The following ABCB10 variants were observed in gnomAD, a reference collection of about 807,000 sequenced individuals.
ABCB10 encodes ATP binding cassette subfamily B member 10.
Under a neutral mutation model 65.4 loss-of-function variants are expected in ABCB10, and 54 were observed. The ratio of observed to expected loss-of-function variants is 0.83; its 90% CI spans 0.66 to 1.04. The LOEUF (loss-of-function observed/expected upper bound fraction) is 1.04, where lower values mean the gene tolerates loss of function less well. Among genes scored for constraint, ABCB10 ranks in the 50% least tolerant of loss-of-function variants. The pLI is 0.00. For missense variants in ABCB10, 846 were observed against 976.6 expected, an observed-to-expected ratio of 0.87 and a Z score of 1.78; for synonymous variants, 418 against 406.5, an observed-to-expected ratio of 1.03 and a Z score of -0.34.
At chr1:229,558,062 C>G in intron 1 of ABCB10, 74 bp downstream of exon 1, 1 of 1,258,674 alleles carries the variant, frequency 7.9e-7, no homozygotes, top group African/African-American at 1.6e-5. Context: ...GGCCGTGTCC[C>G]TCTCGGCGCC....
At chr1:229,553,469 C>T (rs1405300143) in intron 1 of ABCB10, among the ~76,000 whole-genome samples, 1 of 152,108 alleles carries the variant, frequency 6.6e-6, no homozygotes, top group Non-Finnish European at 1.5e-5. Context: ...GCGGACAGAG[C>T]ACTGTTCTAG....
At position 229,539,468 on chromosome 1, in the gene ABCB10, T is replaced by C; in HGVS notation, c.1327A>G (p.Ile443Val). 3 of 1,614,008 alleles carry C rather than the reference T, an allele frequency of 1.9e-6. No individual in the cohort carries two copies. Among genetic ancestry groups the C allele is most frequent in the Non-Finnish European group, 2.5e-6 (3 of 1,179,870 alleles). Residue 443 changes from isoleucine to valine, a missense_variant, in exon 6 of 13, where the codon ATA becomes GTA. By Grantham distance (29) the Ile-to-Val change is conservative. Transcript: ENST00000344517. ...TTAAATTATTTACCTCCAATGCTTA[T>C]TCCAACCCAGAAAGCATACATTAGG... Reference protein sequence around the residue: ...SFLMYAFWVGISIGGLSSFYS... With the variant: ...SFLMYAFWVGVSIGGLSSFYS...
At chr1:229,531,402 C>CT (rs1307075869) in intron 7 of ABCB10, among the ~76,000 whole-genome samples, 18 of 152,146 alleles carry the variant, frequency 1.2e-4, no homozygotes, top group Non-Finnish European at 4.4e-5. Flanking sequence ...GGGCAGCACA[C>CT]TATGTGGCCA....
In ABCB10 at chr1:229,542,252, CA is replaced by C; in HGVS notation, c.1040del (p.Leu347ArgfsTer7). ...RKLTKVTQDS[L>X]AQATQLAEER... ...GGGCCTTTACCTGAGTGGCTTGTGCCAGGGAATCCTGAGTGACTTTGGTCAG... is the reference window on the plus strand; with the variant it reads ...GGGCCTTTACCTGAGTGGCTTGTGCCGGGAATCCTGAGTGACTTTGGTCAG... On this transcript the variant is annotated frameshift_variant, in exon 4 of 13. Transcript: ENST00000344517. LOFTEE classifies it high-confidence loss of function. 6.2e-7 allele frequency: 1 copy of C among 1,613,984 alleles called. No homozygotes were observed. Among genetic ancestry groups the C allele is most frequent in the Non-Finnish European group, 8.5e-7 (1 of 1,179,966 alleles).
chr1:229,539,379 G>A, intron 6 of ABCB10, 77 bp downstream of exon 6: 2 of 1,557,528 alleles, frequency 1.3e-6, no homozygotes, highest in Non-Finnish European at 1.8e-6. Context: ...GAAGTAATGT[G>A]AAAGTTCAGT....
Position 229,530,190 on chromosome 1 carries a change from A to G in ABCB10, c.1645+9T>C. On this transcript the variant is annotated intron_variant, in intron 8 of 12. Transcript: ENST00000344517. ...GTCCCTCGGTGCTACAGTGTGGTGA[A>G]CTGCTTACCAGAAGCAGGGTCGTAC... 6.2e-7 allele frequency: 1 copy of G among 1,613,358 alleles called. No individual in the cohort carries two copies. Among genetic ancestry groups the G allele is most frequent in the South Asian group, 1.1e-5 (1 of 91,050 alleles).
intron 3 of ABCB10, among the ~76,000 whole-genome samples, chr1:229,546,171 CAAAAAAAAA>C (rs1236717877): frequency 1.8e-5 from 1 of 55,044 alleles, no homozygotes; most frequent in Non-Finnish European, 3.8e-5. Flanking sequence ...TACTCCGTCT[CAAAAAAAAA>C]AAAAAAAAGC....
At chr1:229,527,109 T>C in intron 9 of ABCB10, 120 bp downstream of exon 9, 9 of 939,544 alleles carry the variant, frequency 9.6e-6, no homozygotes, top group Non-Finnish European at 1.5e-5. Context: ...ATGAGCTTAA[T>C]ACATCCCAAA....
Position 229,549,438 on chromosome 1 carries a change from G to A in ABCB10, c.518-4C>T, listed in dbSNP as rs774766764. ...ATCGTGAGAAATCCAACCGCAGCTA[G>A]AAAACACAAGCACTCTCAATGTTCA... On this transcript the variant is annotated splice_region_variant and splice_polypyrimidine_tract_variant and intron_variant, in intron 1 of 12. Coordinates refer to ENST00000344517, the MANE Select transcript of ABCB10 (RefSeq NM_012089.3). 1.2e-6 allele frequency: 2 copies of A among 1,612,186 alleles called. No homozygotes were observed.
Position 229,558,604 on chromosome 1 carries a change from G to GGCTCGGTGGCTCGAGCAGC in ABCB10, c.30_48dup (p.Pro17AlafsTer157). 1 of 1,428,740 alleles carries GGCTCGGTGGCTCGAGCAGC rather than the reference G, an allele frequency of 7.0e-7. No homozygotes were observed. Among genetic ancestry groups the GGCTCGGTGGCTCGAGCAGC allele is most frequent in the Non-Finnish European group, 9.2e-7 (1 of 1,092,762 alleles). 88.5% of individuals were successfully genotyped at this position (1,428,740 alleles called of 1,614,324 possible). On this transcript the variant is annotated frameshift_variant, in exon 1 of 13. Coordinates refer to ENST00000344517, the MANE Select transcript of ABCB10 (RefSeq NM_012089.3). LOFTEE classifies it high-confidence loss of function. ...GGCAGGAGCCGACCTGGCTCGGCAG[G>GGCTCGGTGGCTCGAGCAGC]GCTCGGTGGCTCGAGCAGCCGCAGC... is the stretch of plus-strand genomic sequence containing the variant.
At chr1:229,558,010 A>T (rs1288122283) in intron 1 of ABCB10, 126 bp downstream of exon 1, 1 of 1,032,316 alleles carries the variant, frequency 9.7e-7, no homozygotes, top group Non-Finnish European at 1.2e-6. Flanking sequence ...CGGGGTTAGG[A>T]GTGGCCCAGG....
At chr1:229,555,242 C>T (rs1009832579) in intron 1 of ABCB10, among the ~76,000 whole-genome samples, 1 of 152,226 alleles carries the variant, frequency 6.6e-6, no homozygotes, top group African/African-American at 2.4e-5. Context: ...AGGTCAGAGC[C>T]TCATCTATCT....
At position 229,537,969 on chromosome 1, in the gene ABCB10, G is replaced by A. The variant is rs1298962850; in HGVS notation, c.1339+1487C>T. On this transcript the variant is annotated intron_variant, in intron 6 of 12. Coordinates refer to ENST00000344517, the MANE Select transcript of ABCB10 (RefSeq NM_012089.3). ...TGTGGAAGAACTGGTGGCAACAGATGTACACTGACCTACCCATATTTTCTC... is the reference window on the plus strand; with the variant it reads ...TGTGGAAGAACTGGTGGCAACAGATATACACTGACCTACCCATATTTTCTC... Among the ~76,000 whole-genome samples the A allele has an allele frequency of 2.6e-5, 4 of 152,182 alleles. No individual in the cohort carries two copies. In the South Asian group the frequency reaches 8.3e-4, roughly 32 times the overall value.
At chr1:229,527,529 G>C (rs1027319373) in intron 8 of ABCB10, among the ~76,000 whole-genome samples, 28 of 152,232 alleles carry the variant, frequency 1.8e-4, no homozygotes, top group African/African-American at 6.5e-4. Flanking sequence ...GTAGCTGGAT[G>C]ACTATCTCAC....
At position 229,545,169 on chromosome 1, in the gene ABCB10, C is replaced by T. The variant is rs114538516; in HGVS notation, c.921+2330G>A. Among the ~76,000 whole-genome samples the T allele has an allele frequency of 5.8e-3, 881 of 152,292 alleles. 8 individuals are homozygous for T. Among genetic ancestry groups the T allele is most frequent in the African/African-American group, 0.02 (816 of 41,550 alleles). On this transcript the variant is annotated intron_variant, in intron 3 of 12. Transcript: ENST00000344517. ...CCCTTTCCTTGTTACAAAAAGTACC[C>T]CAAGTGATTTTTCCCAGCTTGAACT... is the stretch of plus-strand genomic sequence containing the variant.
chr1:229,518,900 GATAAA>G lies in ABCB10; in HGVS notation c.1951-30_1951-26del, dbSNP rs764964085. On this transcript the variant is annotated intron_variant, in intron 11 of 12. Coordinates refer to ENST00000344517, the MANE Select transcript of ABCB10 (RefSeq NM_012089.3). ...TCTGAAGAAGGAAAAAAAAGGAAAA[GATAAA>G]ATAATTTTATTGGAAAAATACAAAC... 14 of 1,551,636 alleles carry G rather than the reference GATAAA, an allele frequency of 9.0e-6. No homozygotes were observed. In the South Asian group the frequency reaches 1.7e-4, roughly 18 times the overall value.
rs375446207 is a variant in ABCB10 at position 229,525,921 on chromosome 1, A to C, written c.1906+15T>G. On this transcript the variant is annotated intron_variant, in intron 10 of 12. Transcript: ENST00000344517. ...GGATATAGAGACTTTGCTACAAAGC[A>C]GTAAAGAAATGCACCTGAGAGGAGA... 8.1e-6 allele frequency: 13 copies of C among 1,597,544 alleles called. No homozygotes were observed. Among genetic ancestry groups the C allele is most frequent in the Non-Finnish European group, 1.1e-5 (13 of 1,172,852 alleles).
intron 1 of ABCB10, among the ~76,000 whole-genome samples, chr1:229,553,193 C>T (rs1663160410): frequency 6.6e-6 from 1 of 152,110 alleles, no homozygotes; most frequent in South Asian, 2.1e-4. Flanking sequence ...TCACTGCAAC[C>T]TCCACCTCCC....
chr1:229,531,221 T>C (rs1157115816), intron 7 of ABCB10, among the ~76,000 whole-genome samples: 2 of 152,158 alleles, frequency 1.3e-5, no homozygotes, highest in Non-Finnish European at 2.9e-5. Flanking sequence ...GAAACTTAGA[T>C]ATTTTCTTAT....
Sources: allele counts gnomAD v4.1 joint callset (sites outside exome capture counted in the v4.1 genomes callset), GRCh38; gene constraint gnomAD v4.1.1; transcripts MANE v1.5; gene names NCBI Gene and HGNC (gene_info 2026-07-23, HGNC 2026-07-21).